Variants in CHST11 observed in about 807,000 individuals in gnomAD.
CHST11 encodes C4S-1.
Under a neutral mutation model 30.4 loss-of-function variants are expected in CHST11, and 9 were observed. The ratio of observed to expected loss-of-function variants is 0.30; its 90% CI spans 0.18 to 0.52. The LOEUF (loss-of-function observed/expected upper bound fraction) is 0.52, where lower values mean the gene tolerates loss of function less well. Ranked by LOEUF, CHST11 falls within the 20% of genes least tolerant of loss-of-function variation. CHST11 has a pLI of 0.97. For synonymous variants in CHST11, 152 were observed against 187.8 expected, an observed-to-expected ratio of 0.81 and a Z score of 1.56; for missense variants, 348 against 460.6, an observed-to-expected ratio of 0.76 and a Z score of 2.24.
chr12:104,627,374 G>T (rs1377964464), intron 2 of CHST11, among the ~76,000 whole-genome samples: 1 of 152,134 alleles, frequency 6.6e-6, no homozygotes, highest in Non-Finnish European at 1.5e-5. Context: ...GTGATTGCTG[G>T]ATCCTATGGT....
At chr12:104,702,761 A>G (rs1282011124) in intron 2 of CHST11, among the ~76,000 whole-genome samples, 3 of 152,232 alleles carry the variant, frequency 2.0e-5, no homozygotes, top group Non-Finnish European at 4.4e-5. Context: ...ATCCCCTGCT[A>G]TTCATCTGAG....
At position 104,760,015 on chromosome 12, in the gene CHST11, A is replaced by G. The variant is rs1235545120; in HGVS notation, c.*2212A>G. On this transcript the variant is annotated 3_prime_UTR_variant, in exon 3 of 3. Coordinates refer to ENST00000303694, the MANE Select transcript of CHST11 (RefSeq NM_018413.6). ...GGTTTTGTGGTCAAATATCCTTAAG[A>G]AACAAAGTTAAGTCAGTTTCCTTTC... 6.6e-6 allele frequency: 1 copy of G among 152,220 alleles called. No homozygotes were observed. The highest frequency in any genetic ancestry group is 2.4e-5 in the African/African-American group (1 of 41,450). The allele number at this position is 152,220 out of a possible 1,614,324, so 9.4% of individuals were successfully genotyped here.
chr12:104,488,208 G>A lies in CHST11; in HGVS notation c.118+30679G>A, dbSNP rs191739073. 7.2e-4 allele frequency among the ~76,000 whole-genome samples: 109 copies of A among 152,210 alleles called. 2 individuals are homozygous for A. The highest frequency in any genetic ancestry group is 2.5e-3 in the African/African-American group (104 of 41,520). On this transcript the variant is annotated intron_variant, in intron 1 of 2. Transcript: ENST00000303694. ...CTTCTGAGAATTGGCTTTGCACATG[G>A]GAACCACGTTCAAAGGACGGAGAAA...
intron 2 of CHST11, among the ~76,000 whole-genome samples, chr12:104,726,586 T>C (rs1252853992): frequency 6.6e-6 from 1 of 151,968 alleles, no homozygotes; most frequent in Non-Finnish European, 1.5e-5. Flanking sequence ...CTTCCTCCCC[T>C]CCTCTCCCCC....
chr12:104,628,533 C>T (rs2039240979), intron 2 of CHST11, among the ~76,000 whole-genome samples: 1 of 152,154 alleles, frequency 6.6e-6, no homozygotes. Context: ...TTTCCGTTGT[C>T]CAGGGTAACG....
chr12:104,699,790 C>T (rs151246820), intron 2 of CHST11, among the ~76,000 whole-genome samples: 3 of 152,294 alleles, frequency 2.0e-5, no homozygotes, highest in African/African-American at 4.8e-5. Flanking sequence ...GGATCTTGGG[C>T]CTCCACTTGC....
chr12:104,658,370 G>A (rs2039565752), intron 2 of CHST11, among the ~76,000 whole-genome samples: 1 of 152,190 alleles, frequency 6.6e-6, no homozygotes, highest in Non-Finnish European at 1.5e-5. Context: ...CAGTCTCCTT[G>A]TGTCTCTGTG....
At chr12:104,707,777 A>G (rs2040049142) in intron 2 of CHST11, among the ~76,000 whole-genome samples, 1 of 152,240 alleles carries the variant, frequency 6.6e-6, no homozygotes, top group Non-Finnish European at 1.5e-5. Flanking sequence ...TACATGTATC[A>G]TATATACCCA....
At chr12:104,659,428 G>T (rs925326234) in intron 2 of CHST11, among the ~76,000 whole-genome samples, 3 of 152,086 alleles carry the variant, frequency 2.0e-5, no homozygotes, top group Non-Finnish European at 4.4e-5. Context: ...TCACTGCCCC[G>T]ATCCTCCATC....
At chr12:104,591,792 G>A (rs1002430830) in intron 1 of CHST11, 15 of 154,052 alleles carry the variant, frequency 9.7e-5, no homozygotes, top group Non-Finnish European at 2.2e-4. Context: ...TTAATGAGTT[G>A]TGACTAGTAG....
At position 104,457,336 on chromosome 12, in the gene CHST11, CG is replaced by C; in HGVS notation, c.-75del. On this transcript the variant is annotated 5_prime_UTR_variant, in exon 1 of 3. Transcript: ENST00000303694. ...GCCCCGCGCCTCCCGGGCTCCGGTCCGCGCGGCGGGGTCCCTGCTCCTGCGC... is the reference window on the plus strand; with the variant it reads ...GCCCCGCGCCTCCCGGGCTCCGGTCCCGCGGCGGGGTCCCTGCTCCTGCGC... The C allele has an allele frequency of 1.9e-6, 2 of 1,060,408 alleles. No individual in the cohort carries two copies. The highest frequency in any genetic ancestry group is 2.9e-6 in the Non-Finnish European group (2 of 700,768). 65.7% of individuals were successfully genotyped at this position (1,060,408 alleles called of 1,614,324 possible).
At chr12:104,644,857 C>T (rs1289851357) in intron 2 of CHST11, among the ~76,000 whole-genome samples, 1 of 152,254 alleles carries the variant, frequency 6.6e-6, no homozygotes, top group Non-Finnish European at 1.5e-5. Flanking sequence ...GTAGGATTTG[C>T]TGTAGAGACC....
intron 2 of CHST11, among the ~76,000 whole-genome samples, chr12:104,613,622 C>G (rs1443722177): frequency 6.6e-6 from 1 of 152,174 alleles, no homozygotes; most frequent in Non-Finnish European, 1.5e-5. Context: ...TGCCTGCTTC[C>G]CCTTCGCCTT....
intron 1 of CHST11, among the ~76,000 whole-genome samples, chr12:104,474,895 G>A (rs1450156916): frequency 6.6e-6 from 1 of 152,192 alleles, no homozygotes; most frequent in Non-Finnish European, 1.5e-5. Flanking sequence ...TCCTTGGACG[G>A]CGGTAGGGGG....
At chr12:104,634,485 G>T (rs1040203951) in intron 2 of CHST11, among the ~76,000 whole-genome samples, 9 of 152,198 alleles carry the variant, frequency 5.9e-5, no homozygotes, top group African/African-American at 1.9e-4. Flanking sequence ...GAACTCCAGG[G>T]CCCGCAGGAT....
chr12:104,503,137 A>G (rs911929898), intron 1 of CHST11, among the ~76,000 whole-genome samples: 3 of 152,200 alleles, frequency 2.0e-5, no homozygotes, highest in African/African-American at 7.2e-5. Context: ...GATGGGAGCA[A>G]TATGCCCATC....
At chr12:104,648,590 A>G (rs1397251892) in intron 2 of CHST11, among the ~76,000 whole-genome samples, 1 of 152,158 alleles carries the variant, frequency 6.6e-6, no homozygotes, top group East Asian at 1.9e-4. Flanking sequence ...CAGGTGGATC[A>G]CTTGCGGTCA....
At chr12:104,522,730 C>T (rs1410512876) in intron 1 of CHST11, among the ~76,000 whole-genome samples, 1 of 152,128 alleles carries the variant, frequency 6.6e-6, no homozygotes, top group Non-Finnish European at 1.5e-5. Context: ...AATCCTCCTG[C>T]CTCAGCCTCC....
intron 2 of CHST11, among the ~76,000 whole-genome samples, chr12:104,610,102 G>A (rs2039046149): frequency 1.4e-5 from 2 of 142,718 alleles, no homozygotes; most frequent in Non-Finnish European, 3.0e-5. Flanking sequence ...TGTGTCTGTG[G>A]TATGTGTTAC....
Sources: gnomAD v4.1 joint callset for allele counts (sites outside exome capture counted in the v4.1 genomes callset) on GRCh38, gnomAD v4.1.1 for gene constraint, MANE v1.5 for transcripts, NCBI Gene and HGNC (gene_info 2026-07-23, HGNC 2026-07-21) for gene names.